Variants in NTMT2 observed in about 807,000 individuals in gnomAD.
NTMT2 encodes the protein X-Pro-Lys N-terminal protein methyltransferase 1B.
A neutral mutation model predicts 23.4 loss-of-function variants in NTMT2; 21 were observed. The observed-to-expected ratio is 0.90, with a 90% CI of 0.64 to 1.29. The LOEUF (loss-of-function observed/expected upper bound fraction) is 1.29, where lower values mean the gene tolerates loss of function less well. NTMT2 is among the 50% of genes most tolerant of loss of function. NTMT2 has a pLI of 0.00. For missense variants in NTMT2, 336 were observed against 352.0 expected, an observed-to-expected ratio of 0.95 and a Z score of 0.36; for synonymous variants, 131 against 127.7, an observed-to-expected ratio of 1.03 and a Z score of -0.17.
At position 170,167,640 on chromosome 1, in the gene NTMT2, C is replaced by T; in HGVS notation, c.735C>T (p.Leu245=). 1 of 1,551,698 alleles carries T rather than the reference C, an allele frequency of 6.4e-7. No individual in the cohort carries two copies. Among genetic ancestry groups the T allele is most frequent in the Non-Finnish European group, 8.7e-7 (1 of 1,147,002 alleles). Residue 245 remains leucine, a synonymous_variant, in exon 4 of 4, where the codon CTC becomes CTT. Transcript: ENST00000439373. Reference sequence around the variant, plus strand: ...GTGTGACTCGGGACATGGACATCCTCCGGAGCCTAATAAGGAAGAGTGGGC... The same window carrying T: ...GTGTGACTCGGGACATGGACATCCTTCGGAGCCTAATAAGGAAGAGTGGGC... ...DSSVTRDMDI[L]RSLIRKSGLV... is the part of the protein sequence containing the mutation.
chr1:170,157,166 C>A (rs1673179865), intron 1 of NTMT2, among the ~76,000 whole-genome samples: 1 of 152,006 alleles, frequency 6.6e-6, no homozygotes, highest in Non-Finnish European at 1.5e-5. Context: ...CTGCGTATAC[C>A]CTTTACCAAG....
chr1:170,156,532 AC>A (rs1330817918), intron 1 of NTMT2, among the ~76,000 whole-genome samples: 2 of 152,114 alleles, frequency 1.3e-5, no homozygotes, highest in African/African-American at 4.8e-5. Context: ...TAAATAAAAA[AC>A]AAATAGTGTC....
intron 2 of NTMT2, among the ~76,000 whole-genome samples, chr1:170,166,140 CTTTTTT>C (rs3040077): frequency 4.4e-5 from 3 of 67,792 alleles, no homozygotes; most frequent in Non-Finnish European, 8.8e-5. Flanking sequence ...TTTTTTTTTT[CTTTTTT>C]TTTTTTTTTT....
intron 2 of NTMT2, among the ~76,000 whole-genome samples, chr1:170,165,567 C>T (rs1673363697): frequency 1.3e-5 from 2 of 152,176 alleles, no homozygotes; most frequent in Non-Finnish European, 2.9e-5. Context: ...CTCAGGTTCC[C>T]AAACTTACCA....
intron 1 of NTMT2, among the ~76,000 whole-genome samples, chr1:170,152,498 C>T (rs973579124): frequency 6.6e-6 from 1 of 152,156 alleles, no homozygotes; most frequent in African/African-American, 2.4e-5. Context: ...AAACACTAAA[C>T]TAGCCCTCAG....
chr1:170,163,939 T>C (rs1673322762), intron 2 of NTMT2, among the ~76,000 whole-genome samples: 1 of 152,094 alleles, frequency 6.6e-6, no homozygotes, highest in Non-Finnish European at 1.5e-5. Flanking sequence ...CTGGCCAACA[T>C]GGTAAAACCC....
chr1:170,146,312 T>A, intron 1 of NTMT2, 51 bp downstream of exon 1: 1 of 1,507,498 alleles, frequency 6.6e-7, no homozygotes, highest in Non-Finnish European at 9.0e-7. Flanking sequence ...CTGATGGGAT[T>A]GCATGAGGTC....
chr1:170,167,446 AT>A, intron 3 of NTMT2, 39 bp from the exon 4 acceptor site: 1 of 1,503,232 alleles, frequency 6.7e-7, no homozygotes, highest in Non-Finnish European at 8.9e-7. Context: ...CCTCCCCACC[AT>A]TTCTTCCTGT....
At chr1:170,159,127 A>C (rs1673218732) in intron 1 of NTMT2, among the ~76,000 whole-genome samples, 1 of 152,152 alleles carries the variant, frequency 6.6e-6, no homozygotes, top group African/African-American at 2.4e-5. Context: ...TTGTCCCCTA[A>C]ATAGAAAGGA....
rs1436194527 is a variant in NTMT2 at position 170,168,130 on chromosome 1, G to GT, written c.*373_*374insT. Reference sequence around the variant, plus strand: ...TCACAACATCCTAGACAAAAATGGTGGTTTTTTTTTTGTTTTTCCATCACA... The same window carrying GT: ...TCACAACATCCTAGACAAAAATGGTGTGTTTTTTTTTTGTTTTTCCATCACA... On this transcript the variant is annotated 3_prime_UTR_variant, in exon 4 of 4. Coordinates refer to ENST00000439373, the MANE Select transcript of NTMT2 (RefSeq NM_001136107.2). Among the ~76,000 whole-genome samples, 40 of 132,584 alleles carry GT rather than the reference G, an allele frequency of 3.0e-4. No homozygotes were observed. Among genetic ancestry groups the GT allele is most frequent in the African/African-American group, 1.0e-3 (32 of 31,870 alleles). The allele number at this position is 132,584 out of a possible 152,430, so 87.0% of individuals were successfully genotyped here.
chr1:170,151,001 A>G (rs1192953576), intron 1 of NTMT2, among the ~76,000 whole-genome samples: 1 of 152,136 alleles, frequency 6.6e-6, no homozygotes, highest in African/African-American at 2.4e-5. Context: ...GAAGTCAATG[A>G]ATATTCATTA....
intron 2 of NTMT2, among the ~76,000 whole-genome samples, chr1:170,162,201 T>C (rs1381498419): frequency 6.6e-6 from 1 of 152,224 alleles, no homozygotes; most frequent in African/African-American, 2.4e-5. Context: ...AAAGTTCTAA[T>C]TGGTAACAGG....
intron 1 of NTMT2, among the ~76,000 whole-genome samples, chr1:170,158,294 A>G (rs1029812553): frequency 5.9e-5 from 9 of 152,068 alleles, no homozygotes; most frequent in African/African-American, 1.9e-4. Context: ...ATGCCAGCTA[A>G]GTTTAATTTT....
In NTMT2 at chr1:170,146,274, G is replaced by C; in HGVS notation, c.154+13G>C. ...AAAATTCCCCTGGGTAAGTGAGTCA[G>C]AGCTACTAGATAAGAAACAAGAAAT... On this transcript the variant is annotated intron_variant, in intron 1 of 3. Coordinates refer to ENST00000439373, the MANE Select transcript of NTMT2 (RefSeq NM_001136107.2). 6.5e-7 allele frequency: 1 copy of C among 1,548,320 alleles called. No individual in the cohort carries two copies. Among genetic ancestry groups the C allele is most frequent in the Non-Finnish European group, 8.7e-7 (1 of 1,145,816 alleles).
intron 1 of NTMT2, among the ~76,000 whole-genome samples, chr1:170,159,549 C>T (rs1221728347): frequency 6.0e-5 from 9 of 150,552 alleles, no homozygotes; most frequent in Admixed American, 3.3e-4. Context: ...AGCTTTGTTC[C>T]GTCTGCTTTT....
chr1:170,167,667 G>C lies in NTMT2; in HGVS notation c.762G>C (p.Leu254=), dbSNP rs61745740. 1.3e-4 allele frequency: 202 copies of C among 1,551,674 alleles called. 1 individual carries two copies. The Middle Eastern group carries it at 2.5e-3, about 19-fold the overall frequency. Residue 254 remains leucine, a synonymous_variant, in exon 4 of 4, where the codon CTG becomes CTC. Coordinates refer to ENST00000439373, the MANE Select transcript of NTMT2 (RefSeq NM_001136107.2). ...GGAGCCTAATAAGGAAGAGTGGGCT[G>C]GTGGTGCTGGGCCAGGAGAAGCAGG... ...ILRSLIRKSG[L]VVLGQEKQDG...
chr1:170,146,363 C>G, intron 1 of NTMT2, 102 bp downstream of exon 1: 1 of 1,160,156 alleles, frequency 8.6e-7, no homozygotes. Flanking sequence ...GGACACTTTT[C>G]AGACAAAAAA....
chr1:170,147,194 T>C (rs771101276), intron 1 of NTMT2, among the ~76,000 whole-genome samples: 13 of 152,246 alleles, frequency 8.5e-5, no homozygotes, highest in Non-Finnish European at 1.8e-4. Flanking sequence ...AACCTTTTTG[T>C]AAATCCATTT....
Position 170,160,584 on chromosome 1 carries a change from T to A in NTMT2, c.221T>A (p.Leu74His), listed in dbSNP as rs1340216553. The change falls in exon 2 of 4, where the codon CTT becomes CAT. Residue 74 changes from leucine (L) to histidine (H), a missense_variant. Leu to His is a moderately conservative substitution (Grantham distance 99). Transcript: ENST00000439373. Reference sequence around the variant, plus strand: ...ATGCAGTTCTATGCCAGAGCTAAACTTTTCTACCAAGAAGTACCAGCCACA... The same window carrying A: ...ATGCAGTTCTATGCCAGAGCTAAACATTTCTACCAAGAAGTACCAGCCACA... Reference protein sequence around the residue: ...GEMQFYARAKLFYQEVPATEE... With the variant: ...GEMQFYARAKHFYQEVPATEE... 3 of 1,551,508 alleles carry A rather than the reference T, an allele frequency of 1.9e-6. No homozygotes were observed. The Admixed American group carries it at 5.9e-5, about 30-fold the overall frequency.
Sources: allele counts gnomAD v4.1 joint callset (sites outside exome capture counted in the v4.1 genomes callset), GRCh38; gene constraint gnomAD v4.1.1; transcripts MANE v1.5; gene names NCBI Gene and HGNC (gene_info 2026-07-23, HGNC 2026-07-21).